Variants in ZNF618 observed in about 807,000 individuals in gnomAD.
ZNF618 encodes neural precursor cell expressed, developmentally down-regulated 10.
In ZNF618, 34 loss-of-function variants were observed where a neutral mutation model predicts 103.0. That is an observed-to-expected ratio of 0.33 (90% confidence interval 0.25 to 0.44). ZNF618 has a LOEUF of 0.44. Ranked by LOEUF, ZNF618 falls within the 20% of genes least tolerant of loss-of-function variation. ZNF618 has a pLI of 1.00. For synonymous variants in ZNF618, 551 were observed against 542.2 expected, an observed-to-expected ratio of 1.02 and a Z score of -0.23; for missense variants, 1,059 against 1,295.4, an observed-to-expected ratio of 0.82 and a Z score of 2.80.
chr9:113,993,959 C>G (rs1254323829), intron 3 of ZNF618, among the ~76,000 whole-genome samples: 1 of 152,154 alleles, frequency 6.6e-6, no homozygotes, highest in Admixed American at 6.5e-5. Flanking sequence ...TGGACATAAG[C>G]CTGTGAGGGA....
At chr9:113,933,652 G>A (rs530745437) in intron 1 of ZNF618, among the ~76,000 whole-genome samples, 46 of 152,274 alleles carry the variant, frequency 3.0e-4, no homozygotes, top group Non-Finnish European at 3.1e-4. Flanking sequence ...CCCACTGGAG[G>A]TTTGTGGTCA....
At chr9:114,016,249 G>T in intron 9 of ZNF618, 1 of 1,378,614 alleles carries the variant, frequency 7.3e-7, no homozygotes, top group Non-Finnish European at 1.0e-6. Context: ...CTTGGGGGCA[G>T]GGAAGGTCCT....
At chr9:113,985,144 C>T (rs1839345895) in intron 2 of ZNF618, among the ~76,000 whole-genome samples, 1 of 152,218 alleles carries the variant, frequency 6.6e-6, no homozygotes, top group African/African-American at 2.4e-5. Flanking sequence ...GGGGTAGGTA[C>T]CGTGTTTGTC....
intron 12 of ZNF618, among the ~76,000 whole-genome samples, chr9:114,034,270 A>G (rs1434089909): frequency 6.6e-6 from 1 of 152,176 alleles, no homozygotes; most frequent in Non-Finnish European, 1.5e-5. Flanking sequence ...CCTGAAAGGG[A>G]TGGAGTGACT....
At chr9:113,937,036 G>A (rs979259997) in intron 1 of ZNF618, among the ~76,000 whole-genome samples, 2 of 152,092 alleles carry the variant, frequency 1.3e-5, no homozygotes, top group Non-Finnish European at 2.9e-5. Flanking sequence ...CTAATTTGGT[G>A]TTTATAATTC....
At chr9:113,994,834 A>G (rs1313443021) in intron 3 of ZNF618, among the ~76,000 whole-genome samples, 1 of 152,044 alleles carries the variant, frequency 6.6e-6, no homozygotes, top group Non-Finnish European at 1.5e-5. Context: ...AATTTTGAAA[A>G]CTGTATATTC....
chr9:113,886,479 G>A (rs1245915593), intron 1 of ZNF618, among the ~76,000 whole-genome samples: 3 of 152,028 alleles, frequency 2.0e-5, no homozygotes, highest in Non-Finnish European at 4.4e-5. Context: ...ATTTTTGGAT[G>A]TTGGGGAATT....
In ZNF618 at chr9:114,032,856, G is replaced by C. The variant is rs569262983; in HGVS notation, c.1168+128G>C. On this transcript the variant is annotated intron_variant, in intron 12 of 14. Transcript: ENST00000374126. ...GCATTATGGATCTTGTTGGGAGGAG[G>C]CTGGGAGCAGGGAATTAGAGGGAGA... 6.1e-6 allele frequency: 5 copies of C among 816,430 alleles called. No homozygotes were observed. The South Asian group carries it at 7.6e-5, about 12-fold the overall frequency. The allele number at this position is 816,430 out of a possible 1,614,324, so 50.6% of individuals were successfully genotyped here.
At chr9:113,897,846 T>C (rs1587970106) in intron 1 of ZNF618, among the ~76,000 whole-genome samples, 1 of 152,052 alleles carries the variant, frequency 6.6e-6, no homozygotes. Context: ...CTGGCTGGAG[T>C]GTGGTGGCAC....
Position 113,962,978 on chromosome 9 carries a change from ATGTT to A in ZNF618, c.34-6134_34-6131del, listed in dbSNP as rs554469308. ...CTGGCATGTAGAAGGAGCTTGATAAATGTTTGTTGGATGAATGAGTGAATTTTCC... is the reference window on the plus strand; with the variant it reads ...CTGGCATGTAGAAGGAGCTTGATAAATGTTGGATGAATGAGTGAATTTTCC... On this transcript the variant is annotated intron_variant, in intron 1 of 14. Coordinates refer to ENST00000374126, the MANE Select transcript of ZNF618 (RefSeq NM_001318042.2). Among the ~76,000 whole-genome samples the A allele has an allele frequency of 1.9e-4, 29 of 152,364 alleles. 1 individual carries two copies. The South Asian group carries it at 6.0e-3, about 32-fold the overall frequency.
rs778980885 is a variant in ZNF618, at chr9:114,054,013, G to C, written c.*3846G>C. 6.6e-6 allele frequency: 1 copy of C among 152,560 alleles called. No homozygotes were observed. Among genetic ancestry groups the C allele is most frequent in the African/African-American group, 2.4e-5 (1 of 41,458 alleles). The allele number at this position is 152,560 out of a possible 1,614,324, so 9.5% of individuals were successfully genotyped here. On this transcript the variant is annotated 3_prime_UTR_variant, in exon 15 of 15. Coordinates refer to ENST00000374126, the MANE Select transcript of ZNF618 (RefSeq NM_001318042.2). ...CAGTGACACAGATGAGAAGCTGTGA[G>C]TCTCCAGGATTCAAGGAAGCCACCA... is the stretch of plus-strand genomic sequence containing the variant.
chr9:113,934,825 T>A (rs998246583), intron 1 of ZNF618, among the ~76,000 whole-genome samples: 5 of 152,224 alleles, frequency 3.3e-5, no homozygotes, highest in African/African-American at 4.8e-5. Flanking sequence ...CGTGAGGATG[T>A]GCCTGGCCGT....
chr9:113,884,774 CAGAGAGAG>C (rs3034065), intron 1 of ZNF618, among the ~76,000 whole-genome samples: 4,700 of 142,258 alleles, frequency 0.033, 106 homozygotes, highest in Middle Eastern at 0.056. Context: ...CACAAACACA[CAGAGAGAG>C]AGAGAGAGAG....
At chr9:114,032,288 G>T (rs118121133) in intron 11 of ZNF618, among the ~76,000 whole-genome samples, 1 of 152,194 alleles carries the variant, frequency 6.6e-6, no homozygotes, top group African/African-American at 2.4e-5. Context: ...AGTGGTGGGC[G>T]GTAGATCCAA....
chr9:113,909,846 G>A (rs897678789), intron 1 of ZNF618, among the ~76,000 whole-genome samples: 3 of 151,448 alleles, frequency 2.0e-5, no homozygotes, highest in Admixed American at 6.6e-5. Context: ...GTGCGGTGGC[G>A]CGGTCTCAGC....
chr9:113,904,196 A>C (rs557275791), intron 1 of ZNF618, among the ~76,000 whole-genome samples: 1 of 139,584 alleles, frequency 7.2e-6, no homozygotes, highest in African/African-American at 2.6e-5. Context: ...TTTTTTTTCT[A>C]ACCTATTCTT....
Position 114,016,745 on chromosome 9 carries a change from A to T in ZNF618, c.805A>T (p.Thr269Ser). 6 of 1,612,934 alleles carry T rather than the reference A, an allele frequency of 3.7e-6. No homozygotes were observed. Among genetic ancestry groups the T allele is most frequent in the Non-Finnish European group, 5.1e-6 (6 of 1,179,566 alleles). ...EFCGKQYKYY[T>S]PYQEHVALHA... The stretch of plus-strand genomic sequence containing the variant: ...CTGCGGCAAACAGTACAAGTACTAC[A>T]CTCCCTACCAGGAGCATGTGGCCTT... The change falls in exon 10 of 15, where the codon ACT becomes TCT. Residue 269 changes from threonine (T) to serine (S), a missense_variant. Thr to Ser is a moderately conservative substitution (Grantham distance 58, BLOSUM62 1). Around this residue, in one of 6 missense-constraint regions of ZNF618, gnomAD observed 434 missense variants for 476.0 expected, o/e 0.91. Transcript: ENST00000374126.
chr9:113,993,168 G>T (rs1211681111), intron 3 of ZNF618, among the ~76,000 whole-genome samples: 2 of 152,196 alleles, frequency 1.3e-5, no homozygotes, highest in African/African-American at 4.8e-5. Context: ...CACACTTGAG[G>T]TTTCAGGGGC....
In ZNF618 at chr9:114,039,343, T is replaced by TG. The variant is rs200624903; in HGVS notation, c.1246+2966_1246+2967insG. On this transcript the variant is annotated intron_variant, in intron 13 of 14. Transcript: ENST00000374126. ...TTTCTTTCTTTCTTTCTTGTTTGTT[T>TG]TTTTTTTTTTTTTTTTCCTTTGAGA... Among the ~76,000 whole-genome samples the TG allele has an allele frequency of 1.3e-3, 149 of 118,438 alleles. 1 individual carries two copies. The East Asian group carries it at 0.034, about 27-fold the overall frequency. 77.7% of individuals were successfully genotyped at this position (118,438 alleles called of 152,430 possible). A position where few individuals can be genotyped will look rare whatever the true frequency, so the allele number is the denominator to read the frequency against.
Sources: gnomAD v4.1 joint callset for allele counts (sites outside exome capture counted in the v4.1 genomes callset) on GRCh38, gnomAD v4.1.1 for gene constraint, gnomAD v4.1.1 regional missense constraint, MANE v1.5 for transcripts, NCBI Gene and HGNC (gene_info 2026-07-23, HGNC 2026-07-21) for gene names.